TRIM71: variants seen among roughly 807,000 people sequenced by gnomAD.
TRIM71 encodes the protein E3 ubiquitin-protein ligase TRIM71.
TRIM71 carries 9 observed loss-of-function variants against 61.2 expected under a neutral mutation model. The ratio of observed to expected loss-of-function variants is 0.15; its 90% CI spans 0.09 to 0.26. The LOEUF (loss-of-function observed/expected upper bound fraction) is 0.26, where lower values mean the gene tolerates loss of function less well. Ranked by LOEUF, TRIM71 falls within the 10% of genes least tolerant of loss-of-function variation. The pLI is 1.00. For synonymous variants in TRIM71, 645 were observed against 553.2 expected, an observed-to-expected ratio of 1.17 and a Z score of -2.33; for missense variants, 998 against 1,238.7, an observed-to-expected ratio of 0.81 and a Z score of 2.92.
intron 1 of TRIM71, among the ~76,000 whole-genome samples, chr3:32,866,085 C>G (rs1386785517): frequency 6.6e-6 from 1 of 151,858 alleles, no homozygotes; most frequent in African/African-American, 2.4e-5. Flanking sequence ...CTCAGCCTCC[C>G]AAAGTGCTGG....
Position 32,891,870 on chromosome 3 carries a change from CTCTTTCTCTT to C in TRIM71, c.*63_*72del, listed in dbSNP as rs1697030272. On this transcript the variant is annotated 3_prime_UTR_variant, in exon 4 of 4. Transcript: ENST00000383763. The surrounding 1 kb of genome is among the most constrained non-coding windows in gnomAD (Gnocchi z 8.2). Reference sequence around the variant, plus strand: ...TGTGCGTGTCTCTCTCTCTCTCTCTCTCTTTCTCTTTCTCTCTCTTTTTGAATTTCAAAGA... The same window carrying C: ...TGTGCGTGTCTCTCTCTCTCTCTCTCTCTCTCTCTTTTTGAATTTCAAAGA... The C allele has an allele frequency of 8.6e-6, 13 of 1,519,196 alleles. No homozygotes were observed. The East Asian group carries it at 3.1e-4, about 36-fold the overall frequency. 94.1% of individuals were successfully genotyped at this position (1,519,196 alleles called of 1,614,324 possible).
At chr3:32,868,978 A>G (rs1051408174) in intron 1 of TRIM71, among the ~76,000 whole-genome samples, 8 of 152,236 alleles carry the variant, frequency 5.3e-5, no homozygotes, top group Admixed American at 2.6e-4. Context: ...ATTTGAGCAC[A>G]AGCACTCAGT....
intron 2 of TRIM71, among the ~76,000 whole-genome samples, chr3:32,880,135 C>T (rs906918646): frequency 3.9e-5 from 6 of 151,960 alleles, no homozygotes; most frequent in African/African-American, 1.4e-4. Flanking sequence ...GCAACCTCTG[C>T]CTCCCTGGTT....
Position 32,891,816 on chromosome 3 carries a change from A to T in TRIM71, c.*5A>T. Reference sequence around the variant, plus strand: ...AATCGAATCCTCGTCTTCTAATTGCATTTCCTAGGTTTCTGTGTTTGGGGT... The same window carrying T: ...AATCGAATCCTCGTCTTCTAATTGCTTTTCCTAGGTTTCTGTGTTTGGGGT... On this transcript the variant is annotated 3_prime_UTR_variant, in exon 4 of 4. Coordinates refer to ENST00000383763, the MANE Select transcript of TRIM71 (RefSeq NM_001039111.3). This position sits in a 1 kb window ranked among gnomAD's most constrained non-coding sequence, Gnocchi z 8.2. The T allele has an allele frequency of 6.2e-7, 1 of 1,611,914 alleles. No homozygotes were observed. The highest frequency in any genetic ancestry group is 8.5e-7 in the Non-Finnish European group (1 of 1,179,688).
intron 1 of TRIM71, among the ~76,000 whole-genome samples, chr3:32,847,742 G>A (rs1248700287): frequency 6.6e-6 from 1 of 152,072 alleles, no homozygotes; most frequent in Admixed American, 6.6e-5. Flanking sequence ...GCAGAGATTC[G>A]CCTGGAGTTG....
intron 2 of TRIM71, 32 bp from the exon 3 acceptor site, chr3:32,885,902 T>C: frequency 1.2e-6 from 2 of 1,602,114 alleles, no homozygotes; most frequent in Non-Finnish European, 1.7e-6. Context: ...GTCCTTCTAA[T>C]GCCTCGAAGT....
At chr3:32,837,437 G>A (rs540563559) in intron 1 of TRIM71, among the ~76,000 whole-genome samples, 12 of 152,274 alleles carry the variant, frequency 7.9e-5, no homozygotes, top group African/African-American at 2.9e-4. Context: ...TATAGTTTTA[G>A]GGGCTGTGGA....
intron 1 of TRIM71, among the ~76,000 whole-genome samples, chr3:32,827,175 A>T (rs1472550395): frequency 6.6e-6 from 1 of 152,142 alleles, no homozygotes; most frequent in African/African-American, 2.4e-5. Flanking sequence ...AGTCTTTAGC[A>T]ATAAAAATAC....
At position 32,825,564 on chromosome 3, in the gene TRIM71, A is replaced by G. The variant is rs554076893; in HGVS notation, c.852+6632A>G. Reference sequence around the variant, plus strand: ...TTTGACAGGCAAAAGGGTGAGATGAATTCTATACTATGCAGGCAGTTTCAA... The same window carrying G: ...TTTGACAGGCAAAAGGGTGAGATGAGTTCTATACTATGCAGGCAGTTTCAA... On this transcript the variant is annotated intron_variant, in intron 1 of 3. Coordinates refer to ENST00000383763, the MANE Select transcript of TRIM71 (RefSeq NM_001039111.3). Among the ~76,000 whole-genome samples, 11 of 152,286 alleles carry G rather than the reference A, an allele frequency of 7.2e-5. No homozygotes were observed. The East Asian group carries it at 1.5e-3, about 21-fold the overall frequency.
chr3:32,854,982 A>G (rs552941887), intron 1 of TRIM71, among the ~76,000 whole-genome samples: 1 of 152,344 alleles, frequency 6.6e-6, no homozygotes, highest in South Asian at 2.1e-4. Flanking sequence ...GAGATACCAC[A>G]TTCATATAAC....
chr3:32,826,582 CTTTTTTTT>C (rs71068090), intron 1 of TRIM71, among the ~76,000 whole-genome samples: 2 of 83,098 alleles, frequency 2.4e-5, no homozygotes, highest in African/African-American at 5.2e-5. Context: ...CAGGTGAGTT[CTTTTTTTT>C]TTTTTTTTTT....
At chr3:32,888,340 T>C (rs1206506884) in intron 3 of TRIM71, among the ~76,000 whole-genome samples, 1 of 149,814 alleles carries the variant, frequency 6.7e-6, no homozygotes, top group South Asian at 2.1e-4. Flanking sequence ...GACTCACGCC[T>C]GTAATGCCAA....
Position 32,891,609 on chromosome 3 carries a change from T to C in TRIM71, c.2405T>C (p.Val802Ala). Reference protein sequence around the residue: ...GQFLRPQGVAVDQEGRIIVAD... With the variant: ...GQFLRPQGVAADQEGRIIVAD... ...TTCCTGCGCCCACAAGGGGTAGCTG[T>C]GGACCAGGAAGGGCGCATCATTGTG... is the stretch of plus-strand genomic sequence containing the variant. Residue 802 changes from valine to alanine, a missense_variant, in exon 4 of 4, where the codon GTG (valine) becomes GCG (alanine). Transcript: ENST00000383763. The surrounding 1 kb of genome is among the most constrained non-coding windows in gnomAD (Gnocchi z 8.2). 1.2e-6 allele frequency: 2 copies of C among 1,613,576 alleles called. No individual in the cohort carries two copies. The highest frequency in any genetic ancestry group is 1.7e-6 in the Non-Finnish European group (2 of 1,179,664).
rs562676188 is a variant in TRIM71, at chr3:32,867,186, C to CT, written c.853-6631dup. ...CACTTTTACCACCCCCCTCCCCCTC[C>CT]TCTTTTTTAGATCTTCACATGTTAT... On this transcript the variant is annotated intron_variant, in intron 1 of 3. Coordinates refer to ENST00000383763, the MANE Select transcript of TRIM71 (RefSeq NM_001039111.3). Among the ~76,000 whole-genome samples, 651 of 151,988 alleles carry CT rather than the reference C, an allele frequency of 4.3e-3. 3 individuals are homozygous for CT. The highest frequency in any genetic ancestry group is 7.1e-3 in the South Asian group (34 of 4,804).
At chr3:32,883,542 C>A (rs56141719) in intron 2 of TRIM71, among the ~76,000 whole-genome samples, 4,821 of 152,238 alleles carry the variant, frequency 0.032, 262 homozygotes, top group African/African-American at 0.11. Flanking sequence ...CTGCACATGA[C>A]CCTCTGTGAA....
At chr3:32,823,417 G>C (rs1302319323) in intron 1 of TRIM71, among the ~76,000 whole-genome samples, 2 of 152,204 alleles carry the variant, frequency 1.3e-5, no homozygotes. Context: ...CACTGTCTGG[G>C]AAACCTTTTG....
At chr3:32,879,955 T>C (rs1239103940) in intron 2 of TRIM71, among the ~76,000 whole-genome samples, 1 of 151,940 alleles carries the variant, frequency 6.6e-6, no homozygotes, top group East Asian at 1.9e-4. Context: ...AGCAAGACTC[T>C]GTCTCAAAAA....
chr3:32,836,601 A>G (rs1481408816), intron 1 of TRIM71, among the ~76,000 whole-genome samples: 1 of 152,186 alleles, frequency 6.6e-6, no homozygotes, highest in East Asian at 1.9e-4. Context: ...TTGGTATATC[A>G]TAGAAGGTGG....
At chr3:32,845,019 G>A (rs893490491) in intron 1 of TRIM71, among the ~76,000 whole-genome samples, 2 of 152,108 alleles carry the variant, frequency 1.3e-5, no homozygotes, top group Admixed American at 6.6e-5. Context: ...CACAAACAAG[G>A]ACAGCTAGAA....
Sources: allele counts gnomAD v4.1 joint callset (sites outside exome capture counted in the v4.1 genomes callset), GRCh38; gene constraint gnomAD v4.1.1; non-coding constraint Gnocchi (gnomAD v3.1); transcripts MANE v1.5; gene names NCBI Gene and HGNC (gene_info 2026-07-23, HGNC 2026-07-21).